ECT2: variants seen among roughly 807,000 people sequenced by gnomAD.
ECT2 encodes protein ECT2.
Under a neutral mutation model 116.9 loss-of-function variants are expected in ECT2, and 61 were observed. The observed-to-expected ratio is 0.52, with a 90% CI of 0.42 to 0.65. The LOEUF is 0.65. Among genes scored for constraint, ECT2 ranks in the 30% least tolerant of loss-of-function variants. The pLI is 0.00. For missense variants in ECT2, 937 were observed against 1,078.7 expected (o/e 0.87, Z 1.84); for synonymous variants, 358 against 346.4 (o/e 1.03, Z -0.37).
chr3:172,804,043 C>T (rs1727216433), intron 20 of ECT2, among the ~76,000 whole-genome samples: 1 of 152,114 alleles, frequency 6.6e-6, no homozygotes, highest in Non-Finnish European at 1.5e-5. Context: ...AACAATTTAC[C>T]CACCTCAGCC....
intron 13 of ECT2, among the ~76,000 whole-genome samples, chr3:172,770,834 T>A (rs956888190): frequency 6.6e-6 from 1 of 152,104 alleles, no homozygotes; most frequent in African/African-American, 2.4e-5. Flanking sequence ...TTTTTTTTTT[T>A]AAAGAACTTT....
At chr3:172,814,608 T>C (rs1448488789) in intron 22 of ECT2, among the ~76,000 whole-genome samples, 1 of 152,068 alleles carries the variant, frequency 6.6e-6, no homozygotes, top group African/African-American at 2.4e-5. Flanking sequence ...TACTTAGAAA[T>C]TAATTGTCTT....
intron 13 of ECT2, among the ~76,000 whole-genome samples, chr3:172,770,387 A>T (rs995392311): frequency 6.6e-6 from 1 of 152,242 alleles, no homozygotes; most frequent in Admixed American, 6.5e-5. Flanking sequence ...AACTCCTTTT[A>T]AAAAATCTCA....
chr3:172,761,775 T>C (rs1413069091), intron 8 of ECT2, 92 bp downstream of exon 8: 6 of 807,710 alleles, frequency 7.4e-6, no homozygotes, highest in South Asian at 2.0e-5. Flanking sequence ...ATTTCATAGA[T>C]ATAAAAACTG....
At chr3:172,816,869 C>T (rs79413012) in intron 24 of ECT2, 32 bp downstream of exon 24, 58,514 of 1,476,286 alleles carry the variant, frequency 0.04, 1,768 homozygotes, top group East Asian at 0.17. Context: ...GGGTAAATGA[C>T]TTATTTATGA....
At chr3:172,795,491 C>G (rs927581604) in intron 18 of ECT2, among the ~76,000 whole-genome samples, 1 of 152,082 alleles carries the variant, frequency 6.6e-6, no homozygotes, top group Non-Finnish European at 1.5e-5. Context: ...TTTAAACTAA[C>G]ATTATTATTG....
chr3:172,760,266 A>G lies in ECT2; in HGVS notation c.684+3A>G. ...GTACACAAGGAGAAAAATTCAGGGT[A>G]TGTAAACTTGGGTATTTTTGTGTAT... On this transcript the variant is annotated splice_donor_region_variant and intron_variant, in intron 7 of 24. Coordinates refer to ENST00000392692, the MANE Select transcript of ECT2 (RefSeq NM_001258315.2). 1 of 1,594,734 alleles carries G rather than the reference A, an allele frequency of 6.3e-7. No individual in the cohort carries two copies. The highest frequency in any genetic ancestry group is 8.6e-7 in the Non-Finnish European group (1 of 1,165,104).
chr3:172,800,913 A>G (rs1452045231), intron 18 of ECT2, among the ~76,000 whole-genome samples: 1 of 152,216 alleles, frequency 6.6e-6, no homozygotes, highest in Non-Finnish European at 1.5e-5. Flanking sequence ...AATCTCACCA[A>G]AAATTCACTT....
rs140381162 is a variant in ECT2 at position 172,754,656 on chromosome 3, A to G, written c.126A>G (p.Val42=). ...TACTTATTGGATCTACTTCATATGT[A>G]GAAGGTAAACCTGTTACCTGCTTTA... is the stretch of plus-strand genomic sequence containing the variant. ...ENLLIGSTSY[V]EEEMPQIETR... The change falls in exon 2 of 25, where the codon GTA becomes GTG. Residue 42 remains valine (V), a synonymous_variant. Coordinates refer to ENST00000392692, the MANE Select transcript of ECT2 (RefSeq NM_001258315.2). 1.2e-6 allele frequency: 2 copies of G among 1,603,986 alleles called. No individual in the cohort carries two copies. Among genetic ancestry groups the G allele is most frequent in the African/African-American group, 1.3e-5 (1 of 74,532 alleles).
chr3:172,768,628 A>G (rs1244081245), intron 12 of ECT2, among the ~76,000 whole-genome samples: 3 of 152,216 alleles, frequency 2.0e-5, no homozygotes, highest in South Asian at 2.1e-4. Context: ...AAAAGTCTTA[A>G]TGTCCTTTTT....
chr3:172,768,722 T>C (rs1720015739), intron 12 of ECT2, among the ~76,000 whole-genome samples: 1 of 152,234 alleles, frequency 6.6e-6, no homozygotes, highest in Non-Finnish European at 1.5e-5. Context: ...TCTAGTCTTC[T>C]CTAACCTGGA....
intron 14 of ECT2, among the ~76,000 whole-genome samples, chr3:172,775,689 A>G (rs1296629159): frequency 6.7e-6 from 1 of 149,702 alleles, no homozygotes; most frequent in Non-Finnish European, 1.5e-5. Context: ...GCTGGAGTGC[A>G]GTGGTGCGAT....
At chr3:172,805,282 A>C (rs983085755) in intron 20 of ECT2, among the ~76,000 whole-genome samples, 6 of 151,994 alleles carry the variant, frequency 3.9e-5, no homozygotes, top group Non-Finnish European at 8.8e-5. Flanking sequence ...TTTTTTTTAA[A>C]CTCTGTACTA....
chr3:172,760,851 G>A (rs1718148585), intron 7 of ECT2, among the ~76,000 whole-genome samples: 1 of 150,924 alleles, frequency 6.6e-6, no homozygotes, highest in South Asian at 2.1e-4. Context: ...CTCCCGAGTA[G>A]CTGGGACTAC....
At chr3:172,816,948 AT>A in intron 24 of ECT2, 111 bp downstream of exon 24, 1 of 867,452 alleles carries the variant, frequency 1.2e-6, no homozygotes, top group Non-Finnish European at 1.7e-6. Flanking sequence ...AATTTTAATA[AT>A]TTTATTTAAC....
intron 13 of ECT2, among the ~76,000 whole-genome samples, chr3:172,772,247 C>G (rs922793071): frequency 1.4e-4 from 22 of 151,904 alleles, no homozygotes; most frequent in Non-Finnish European, 2.6e-4. Flanking sequence ...GAGACTGAGT[C>G]TTGCTCTGTC....
intron 5 of ECT2, among the ~76,000 whole-genome samples, chr3:172,757,738 T>G (rs1451013080): frequency 2.0e-5 from 3 of 152,112 alleles, no homozygotes; most frequent in Non-Finnish European, 4.4e-5. Flanking sequence ...TACCACAATG[T>G]CTTAGAGAAG....
intron 24 of ECT2, chr3:172,818,599 T>C (rs1172404589): frequency 1.6e-6 from 2 of 1,288,158 alleles, no homozygotes; most frequent in South Asian, 2.5e-5. Flanking sequence ...TAAGCATGTT[T>C]ATGTTCAGCG....
At chr3:172,827,701 T>C in the ECT2 span, among the ~76,000 whole-genome samples, 1 of 152,194 alleles carries the variant, frequency 6.6e-6, no homozygotes, top group East Asian at 1.9e-4. Context: ...AGGAAAAAGA[T>C]GTATTGTTCA....
Sources: gnomAD v4.1 joint callset for allele counts (sites outside exome capture counted in the v4.1 genomes callset) on GRCh38, gnomAD v4.1.1 for gene constraint, MANE v1.5 for transcripts, NCBI Gene and HGNC (gene_info 2026-07-23, HGNC 2026-07-21) for gene names.